QTGAL: variants seen among roughly 807,000 people sequenced by gnomAD.
The protein encoded by QTGAL is BGnT-like protein 1.
At chr17:83,022,098 G>A in the QTGAL span, among the ~76,000 whole-genome samples, 1 of 152,228 alleles carries the variant, frequency 6.6e-6, no homozygotes, top group African/African-American at 2.4e-5. Context: ...ACATCCAAAA[G>A]AAAATGAAGA....
At chr17:83,049,177 CG>C in the QTGAL span, 1 of 189,254 alleles carries the variant, frequency 5.3e-6, no homozygotes, top group Non-Finnish European at 1.1e-5. Context: ...GGCGTGAACC[CG>C]GGAGGCGGAG....
At chr17:82,974,476 C>G in the QTGAL span, among the ~76,000 whole-genome samples, 6 of 152,222 alleles carry the variant, frequency 3.9e-5, no homozygotes, top group Admixed American at 6.5e-5. Context: ...GGAGTCAGGG[C>G]GGACTTGGTG....
chr17:83,023,530 A>T, the QTGAL span, among the ~76,000 whole-genome samples: 1 of 152,274 alleles, frequency 6.6e-6, no homozygotes, highest in African/African-American at 2.4e-5. Context: ...AGATGAGGAA[A>T]AACACACTTC....
At chr17:83,017,835 C>T in the QTGAL span, among the ~76,000 whole-genome samples, 1 of 150,922 alleles carries the variant, frequency 6.6e-6, no homozygotes, top group Non-Finnish European at 1.5e-5. Context: ...ACCACATGTG[C>T]TCCACAAACA....
the QTGAL span, among the ~76,000 whole-genome samples, chr17:82,970,595 C>CACAGCGTGG: frequency 7.8e-4 from 106 of 135,744 alleles, 18 homozygotes; most frequent in African/African-American, 3.0e-3. Context: ...GACCTCCGCA[C>CACAGCGTGG]CCGGCGTGGC....
At chr17:82,944,908 C>T in the QTGAL span, 1 of 152,200 alleles carries the variant, frequency 6.6e-6, no homozygotes, top group East Asian at 1.9e-4. Flanking sequence ...TTCAAAGGAA[C>T]AGCAGCAAGA....
chr17:82,994,666 G>A, the QTGAL span, among the ~76,000 whole-genome samples: 1 of 152,076 alleles, frequency 6.6e-6, no homozygotes, highest in East Asian at 1.9e-4. Flanking sequence ...AAAAAATAGA[G>A]GAGGAAGGAA....
chr17:83,004,612 T>C, the QTGAL span, among the ~76,000 whole-genome samples: 4 of 141,804 alleles, frequency 2.8e-5, no homozygotes, highest in South Asian at 4.6e-4. Context: ...GTGGGATTCC[T>C]GAGCTCGCCC....
At chr17:83,010,699 C>T in the QTGAL span, among the ~76,000 whole-genome samples, 1 of 152,248 alleles carries the variant, frequency 6.6e-6, no homozygotes, top group Admixed American at 6.5e-5. Flanking sequence ...TAACACGCAG[C>T]TTCTTGTGGG....
At chr17:83,009,355 C>A in the QTGAL span, among the ~76,000 whole-genome samples, 1 of 151,916 alleles carries the variant, frequency 6.6e-6, no homozygotes, top group East Asian at 1.9e-4. Context: ...ACCTGGGAGG[C>A]GGAGGTTGCA....
chr17:82,949,543 G>A, the QTGAL span: 4 of 152,120 alleles, frequency 2.6e-5, no homozygotes, highest in Admixed American at 6.5e-5. Flanking sequence ...ATGCGGCCTC[G>A]GTCTGACCAC....
At chr17:83,051,273 G>T in the QTGAL span, among the ~76,000 whole-genome samples, 1 of 150,596 alleles carries the variant, frequency 6.6e-6, no homozygotes, top group Non-Finnish European at 1.5e-5. Context: ...GCAGGTGCGC[G>T]GGGGCGGGGC....
chr17:82,972,886 A>G, the QTGAL span, among the ~76,000 whole-genome samples: 1 of 145,094 alleles, frequency 6.9e-6, no homozygotes, highest in Admixed American at 6.7e-5. Context: ...TACTGACCAC[A>G]CCACACCACA....
the QTGAL span, among the ~76,000 whole-genome samples, chr17:82,954,379 G>T: frequency 9.6e-3 from 1,456 of 152,056 alleles, 16 homozygotes; most frequent in Middle Eastern, 0.068. Context: ...AACCATGAGT[G>T]AACTCTCACA....
At chr17:82,971,522 A>G in the QTGAL span, among the ~76,000 whole-genome samples, 1 of 151,978 alleles carries the variant, frequency 6.6e-6, no homozygotes. Context: ...GGCGAGGACC[A>G]GCAGAAAGAA....
At chr17:83,035,475 C>T in the QTGAL span, among the ~76,000 whole-genome samples, 4 of 152,154 alleles carry the variant, frequency 2.6e-5, no homozygotes, top group Admixed American at 6.5e-5. Flanking sequence ...GCCCAATATA[C>T]GATGTTCTAT....
the QTGAL span, among the ~76,000 whole-genome samples, chr17:83,008,544 C>T: frequency 1.3e-5 from 2 of 152,180 alleles, no homozygotes; most frequent in East Asian, 1.9e-4. Context: ...CTGCCCTCCT[C>T]ACATGGCCAT....
the QTGAL span, among the ~76,000 whole-genome samples, chr17:82,991,593 C>T: frequency 1.1e-4 from 17 of 152,254 alleles, no homozygotes; most frequent in African/African-American, 3.6e-4. Flanking sequence ...AGGACAGGTA[C>T]GAACAAACAT....
the QTGAL span, chr17:82,942,368 C>T: frequency 1.3e-6 from 2 of 1,599,452 alleles, no homozygotes; most frequent in Non-Finnish European, 1.7e-6. Context: ...CCACACAGGG[C>T]CCAGAGGGGT....
Sources: allele counts gnomAD v4.1 joint callset (sites outside exome capture counted in the v4.1 genomes callset), GRCh38; gene constraint gnomAD v4.1.1; transcripts MANE v1.5; gene names NCBI Gene and HGNC (gene_info 2026-07-23, HGNC 2026-07-21).